TFDP2: variants seen among roughly 807,000 people sequenced by gnomAD.
TFDP2 encodes the protein transcription factor Dp-2 (E2F dimerization partner 2).
In TFDP2, 17 loss-of-function variants were observed where a neutral mutation model predicts 59.3. That is an observed-to-expected ratio of 0.29 (90% CI 0.20 to 0.43). TFDP2 has a LOEUF of 0.43. Ranked by LOEUF, TFDP2 falls within the 20% of genes least tolerant of loss-of-function variation. The pLI, the probability that TFDP2 is intolerant of heterozygous loss-of-function variation, is 1.00. For synonymous variants in TFDP2, 180 were observed against 194.7 expected, an observed-to-expected ratio of 0.92 and a Z score of 0.63; for missense variants, 391 against 528.8, an observed-to-expected ratio of 0.74 and a Z score of 2.56.
intron 3 of TFDP2, among the ~76,000 whole-genome samples, chr3:142,066,919 C>T (rs2060091128): frequency 2.0e-5 from 3 of 152,074 alleles, no homozygotes; most frequent in Non-Finnish European, 1.5e-5. Context: ...ATCATTGCAA[C>T]AGGGGCAGAA....
At chr3:141,994,952 A>C (rs1943126019) in intron 5 of TFDP2, 68 bp downstream of exon 5, 1 of 1,374,606 alleles carries the variant, frequency 7.3e-7, no homozygotes, top group Non-Finnish European at 9.7e-7. Context: ...ACAGAAGACA[A>C]GATAGTAAGA....
At chr3:142,041,150 A>G (rs1247017571) in intron 3 of TFDP2, among the ~76,000 whole-genome samples, 3 of 152,226 alleles carry the variant, frequency 2.0e-5, no homozygotes, top group African/African-American at 4.8e-5. Flanking sequence ...AACTGATGTC[A>G]TAAGTGAGGG....
intron 3 of TFDP2, among the ~76,000 whole-genome samples, chr3:142,023,313 T>C (rs1015033407): frequency 1.3e-5 from 2 of 150,818 alleles, no homozygotes; most frequent in African/African-American, 4.9e-5. Context: ...GCCTCCTGAG[T>C]AGCTGGGATT....
chr3:141,963,730 G>A (rs551313320), intron 10 of TFDP2, 82 bp downstream of exon 10: 3 of 1,480,922 alleles, frequency 2.0e-6, no homozygotes, highest in Non-Finnish European at 2.7e-6. Context: ...AACTAATAAA[G>A]TGCATCCTTC....
At chr3:142,116,029 C>T (rs193067841) in intron 1 of TFDP2, among the ~76,000 whole-genome samples, 28 of 151,444 alleles carry the variant, frequency 1.8e-4, no homozygotes, top group African/African-American at 5.3e-4. Flanking sequence ...AGTTGGGCTA[C>T]GGGTAAATGG....
chr3:142,132,643 G>T (rs529550392), intron 1 of TFDP2, among the ~76,000 whole-genome samples: 1 of 148,646 alleles, frequency 6.7e-6, no homozygotes, highest in Admixed American at 6.6e-5. Flanking sequence ...TACTTGGGAG[G>T]CTGAGGCAGG....
chr3:142,101,664 G>T, intron 2 of TFDP2, 71 bp downstream of exon 2: 1 of 1,014,958 alleles, frequency 9.9e-7, no homozygotes, highest in Non-Finnish European at 1.4e-6. Flanking sequence ...CCAGAATGGT[G>T]AGAAAATATG....
chr3:142,075,169 GA>G (rs1013914386), intron 3 of TFDP2, among the ~76,000 whole-genome samples: 9 of 152,136 alleles, frequency 5.9e-5, no homozygotes, highest in Non-Finnish European at 1.3e-4. Flanking sequence ...TGACAGATAC[GA>G]AAAGCACAGG....
intron 3 of TFDP2, among the ~76,000 whole-genome samples, chr3:142,082,162 C>G (rs549111943): frequency 6.6e-6 from 1 of 152,182 alleles, no homozygotes; most frequent in Admixed American, 6.5e-5. Context: ...CTGTTGTGAA[C>G]TGTGCATGTG....
At chr3:142,115,380 G>A (rs1303644018) in intron 1 of TFDP2, among the ~76,000 whole-genome samples, 8 of 148,572 alleles carry the variant, frequency 5.4e-5, no homozygotes, top group Non-Finnish European at 8.9e-5. Context: ...GTGCAGTGGC[G>A]CGATCTCGGC....
intron 3 of TFDP2, among the ~76,000 whole-genome samples, chr3:142,077,998 C>T (rs1343368797): frequency 6.6e-6 from 1 of 152,148 alleles, no homozygotes; most frequent in Non-Finnish European, 1.5e-5. Context: ...CACAAGCTGA[C>T]TGAAGAGCCC....
chr3:142,110,077 T>A (rs1331196395), intron 1 of TFDP2, among the ~76,000 whole-genome samples: 6 of 151,802 alleles, frequency 4.0e-5, no homozygotes, highest in Non-Finnish European at 8.8e-5. Flanking sequence ...AGAGATGGAG[T>A]TTCGCCACAT....
At chr3:142,136,342 GA>G (rs2062737644) in intron 1 of TFDP2, among the ~76,000 whole-genome samples, 1 of 147,996 alleles carries the variant, frequency 6.8e-6, no homozygotes. Context: ...TTTCTCTGAT[GA>G]AAAAAAATTT....
intron 1 of TFDP2, among the ~76,000 whole-genome samples, chr3:142,137,031 T>A (rs2062762876): frequency 6.6e-6 from 1 of 152,152 alleles, no homozygotes; most frequent in African/African-American, 2.4e-5. Flanking sequence ...CATAGAATGT[T>A]CTTCCATTTG....
chr3:141,971,329 G>A (rs1364097977), intron 8 of TFDP2, among the ~76,000 whole-genome samples: 1 of 139,290 alleles, frequency 7.2e-6, no homozygotes, highest in Non-Finnish European at 1.5e-5. Context: ...AGACCAGCCT[G>A]GCCAAGAGAC....
intron 2 of TFDP2, 128 bp from the exon 3 acceptor site, chr3:142,093,255 A>G: frequency 1.9e-6 from 1 of 540,496 alleles, no homozygotes; most frequent in Non-Finnish European, 3.1e-6. Context: ...TGAATTAATT[A>G]TATTAACCAC....
intron 3 of TFDP2, among the ~76,000 whole-genome samples, chr3:142,006,247 C>G (rs948925768): frequency 1.3e-5 from 2 of 152,090 alleles, no homozygotes; most frequent in African/African-American, 2.4e-5. Context: ...ACTTAATTCC[C>G]CCAACAAACT....
intron 11 of TFDP2, among the ~76,000 whole-genome samples, chr3:141,958,039 G>T (rs1936909865): frequency 6.6e-6 from 1 of 152,088 alleles, no homozygotes; most frequent in Admixed American, 6.6e-5. Flanking sequence ...TAGGAAAATA[G>T]AACACTTCTA....
chr3:142,103,221 GAAAGAGACTCCTTC>G, intron 1 of TFDP2, among the ~76,000 whole-genome samples: 1 of 151,380 alleles, frequency 6.6e-6, no homozygotes, highest in Non-Finnish European at 1.5e-5. Context: ...CTGGGAAACA[GAAAGAGACTCCTTC>G]TCAAAAAAAA....
Sources: allele counts gnomAD v4.1 joint callset (sites outside exome capture counted in the v4.1 genomes callset), GRCh38; gene constraint gnomAD v4.1.1; transcripts MANE v1.5; gene names NCBI Gene and HGNC (gene_info 2026-07-23, HGNC 2026-07-21).